LRRFIP1: variants seen among roughly 807,000 people sequenced by gnomAD.
LRRFIP1 encodes the protein leucine-rich repeat flightless-interacting protein 1.
In LRRFIP1, 62 loss-of-function variants were observed where a neutral mutation model predicts 104.4. The observed-to-expected ratio is 0.59, with a 90% CI of 0.48 to 0.73. LRRFIP1 has a LOEUF of 0.73. Among genes scored for constraint, LRRFIP1 ranks in the 30% least tolerant of loss-of-function variants. LRRFIP1 has a pLI of 0.00. For synonymous variants in LRRFIP1, 300 were observed against 299.0 expected, an observed-to-expected ratio of 1.00 and a Z score of -0.03; for missense variants, 796 against 824.5, an observed-to-expected ratio of 0.97 and a Z score of 0.42.
chr2:237,649,911 T>C lies in LRRFIP1; in HGVS notation c.96+22171T>C, dbSNP rs900317754. ...ACTGCAGCCTTCGAAAGAGATGTAG[T>C]CCTCATCTGAAAGGTCATCCTTTCA... is the stretch of plus-strand genomic sequence containing the variant. On this transcript the variant is annotated intron_variant, in intron 1 of 23. Coordinates refer to ENST00000308482, the MANE Select transcript of LRRFIP1 (RefSeq NM_001137550.2). This position sits in a 1 kb window ranked among gnomAD's most constrained non-coding sequence, Gnocchi z 4.1. 1.3e-5 allele frequency among the ~76,000 whole-genome samples: 2 copies of C among 152,058 alleles called. No homozygotes were observed. The highest frequency in any genetic ancestry group is 2.9e-5 in the Non-Finnish European group (2 of 67,978).
intron 11 of LRRFIP1, among the ~76,000 whole-genome samples, chr2:237,740,613 T>C (rs748669390): frequency 3.3e-5 from 5 of 152,148 alleles, no homozygotes; most frequent in African/African-American, 4.8e-5. Flanking sequence ...CTTTTCCTAT[T>C]GTGGTGCTGG....
chr2:237,723,616 G>A (rs1193446335), intron 7 of LRRFIP1, 30 bp downstream of exon 7: 1 of 1,612,578 alleles, frequency 6.2e-7, no homozygotes, highest in Non-Finnish European at 8.5e-7. Context: ...TTTGCTGTGT[G>A]ACCTTAACTG....
At chr2:237,647,033 T>A (rs2085033038) in intron 1 of LRRFIP1, among the ~76,000 whole-genome samples, 1 of 152,102 alleles carries the variant, frequency 6.6e-6, no homozygotes. Flanking sequence ...TCAAGGCTCC[T>A]GACCATGATG....
At chr2:237,721,291 G>A (rs1236701798) in intron 6 of LRRFIP1, 1 of 159,800 alleles carries the variant, frequency 6.3e-6, no homozygotes, top group African/African-American at 2.4e-5. Flanking sequence ...TGAAAACCTG[G>A]ACCAGGACTG....
At chr2:237,743,220 G>C (rs2057357305) in intron 11 of LRRFIP1, among the ~76,000 whole-genome samples, 1 of 152,018 alleles carries the variant, frequency 6.6e-6, no homozygotes, top group South Asian at 2.1e-4. Context: ...CAGCCCTGCA[G>C]GCTCTGTAGG....
intron 1 of LRRFIP1, among the ~76,000 whole-genome samples, chr2:237,647,233 T>C (rs1466919403): frequency 1.3e-5 from 2 of 151,922 alleles, no homozygotes; most frequent in African/African-American, 4.8e-5. Flanking sequence ...ACAGCTTCTC[T>C]CTTGGGCACA....
intron 8 of LRRFIP1, among the ~76,000 whole-genome samples, chr2:237,730,303 T>G (rs1459551331): frequency 6.6e-6 from 1 of 152,072 alleles, no homozygotes; most frequent in Non-Finnish European, 1.5e-5. Context: ...CACAACAGAG[T>G]TCCTTCCCAT....
intron 1 of LRRFIP1, among the ~76,000 whole-genome samples, chr2:237,678,140 C>G (rs540744574): frequency 6.6e-6 from 1 of 152,092 alleles, no homozygotes; most frequent in South Asian, 2.1e-4. Context: ...ATCTGGCTCT[C>G]GAAGTTCAAG....
At chr2:237,743,515 AT>A (rs2150514584) in intron 11 of LRRFIP1, among the ~76,000 whole-genome samples, 1 of 152,286 alleles carries the variant, frequency 6.6e-6, no homozygotes, top group African/African-American at 2.4e-5. Context: ...TGTTCACCTC[AT>A]TCTCATCTTC....
chr2:237,679,827 C>G (rs7572337), intron 1 of LRRFIP1, among the ~76,000 whole-genome samples: 113,066 of 152,066 alleles, frequency 0.74, 42,299 homozygotes, highest in Middle Eastern at 0.85. Context: ...AGGCTGGTCT[C>G]AAACTCCTGA....
intron 1 of LRRFIP1, among the ~76,000 whole-genome samples, chr2:237,683,936 T>A (rs2092100881): frequency 6.6e-6 from 1 of 152,132 alleles, no homozygotes; most frequent in Non-Finnish European, 1.5e-5. Context: ...GATTATGGAG[T>A]CCTATTCTCC....
intron 19 of LRRFIP1, chr2:237,764,369 A>C: frequency 6.9e-7 from 1 of 1,450,412 alleles, no homozygotes; most frequent in Non-Finnish European, 9.1e-7. Context: ...GTACGTTCTA[A>C]TTGAGAGCAT....
intron 7 of LRRFIP1, among the ~76,000 whole-genome samples, chr2:237,726,125 G>A (rs2094738550): frequency 6.6e-6 from 1 of 152,130 alleles, no homozygotes; most frequent in Admixed American, 6.5e-5. Flanking sequence ...ATTAGTCTGA[G>A]TAAAACTCTT....
chr2:237,632,430 C>G (rs6751222), intron 1 of LRRFIP1, among the ~76,000 whole-genome samples: 205 of 152,310 alleles, frequency 1.3e-3, no homozygotes, highest in African/African-American at 4.7e-3. Context: ...GACTGGCCTG[C>G]CCCCCTCATG....
At chr2:237,671,590 A>T (rs1405033615) in intron 1 of LRRFIP1, among the ~76,000 whole-genome samples, 3 of 152,070 alleles carry the variant, frequency 2.0e-5, no homozygotes, top group Admixed American at 2.0e-4. Context: ...AAGACAGGTA[A>T]GGGGACGGAA....
Position 237,703,194 on chromosome 2 carries a change from T to C in LRRFIP1, c.97-5350T>C, listed in dbSNP as rs1193418164. Among the ~76,000 whole-genome samples the C allele has an allele frequency of 6.6e-6, 1 of 152,052 alleles. No homozygotes were observed. Among genetic ancestry groups the C allele is most frequent in the African/African-American group, 2.4e-5 (1 of 41,408 alleles). Reference sequence around the variant, plus strand: ...GACTCAACCTGCAGGCCGTCTGGGGTATGCACAGTCTCGTCTCCTGAGTTC... The same window carrying C: ...GACTCAACCTGCAGGCCGTCTGGGGCATGCACAGTCTCGTCTCCTGAGTTC... On this transcript the variant is annotated intron_variant, in intron 1 of 23. Coordinates refer to ENST00000308482, the MANE Select transcript of LRRFIP1 (RefSeq NM_001137550.2). The surrounding 1 kb of genome is among the most constrained non-coding windows in gnomAD (Gnocchi z 4.3).
At chr2:237,707,574 A>C (rs1426011867) in intron 1 of LRRFIP1, among the ~76,000 whole-genome samples, 1 of 152,200 alleles carries the variant, frequency 6.6e-6, no homozygotes, top group African/African-American at 2.4e-5. Flanking sequence ...ACACTTCAGT[A>C]GAAAGAGGGT....
At chr2:237,631,417 G>A (rs908283740) in intron 1 of LRRFIP1, among the ~76,000 whole-genome samples, 4 of 152,162 alleles carry the variant, frequency 2.6e-5, no homozygotes, top group African/African-American at 7.2e-5. Context: ...TCCATGTGAT[G>A]GTTTAAACTC....
At chr2:237,642,599 G>A (rs1575086342) in intron 1 of LRRFIP1, among the ~76,000 whole-genome samples, 1 of 151,900 alleles carries the variant, frequency 6.6e-6, no homozygotes, top group African/African-American at 2.4e-5. Flanking sequence ...CAGGTTTCAG[G>A]CTCTGGGATA....
Sources: gnomAD v4.1 joint callset for allele counts (sites outside exome capture counted in the v4.1 genomes callset) on GRCh38, gnomAD v4.1.1 for gene constraint, Gnocchi (gnomAD v3.1) non-coding constraint, MANE v1.5 for transcripts, NCBI Gene and HGNC (gene_info 2026-07-23, HGNC 2026-07-21) for gene names.